NPSR1: variants seen among roughly 807,000 people sequenced by gnomAD.
The protein encoded by NPSR1 is neuropeptide S receptor.
NPSR1 carries 48 observed loss-of-function variants against 46.9 expected under a neutral mutation model. The ratio of observed to expected loss-of-function variants is 1.02; its 90% CI spans 0.81 to 1.30. The LOEUF is 1.30. Ranked by LOEUF, NPSR1 falls within the 50% of genes most tolerant of loss-of-function variation. The pLI, the probability that NPSR1 is intolerant of heterozygous loss-of-function variation, is 0.00. For synonymous variants in NPSR1, 176 were observed against 168.1 expected (o/e 1.05, Z -0.36); for missense variants, 450 against 449.5 (o/e 1.00, Z -0.01).
At chr7:34,678,218 C>CTTTTT (rs869140156) in intron 1 of NPSR1, among the ~76,000 whole-genome samples, 9 of 100,702 alleles carry the variant, frequency 8.9e-5, no homozygotes, top group East Asian at 2.9e-4. Flanking sequence ...CTTTGCAATT[C>CTTTTT]TTTTTTTTTT....
At chr7:34,869,473 G>A (rs977947601) in intron 8 of NPSR1, among the ~76,000 whole-genome samples, 1 of 151,562 alleles carries the variant, frequency 6.6e-6, no homozygotes, top group Non-Finnish European at 1.5e-5. Context: ...GTAGTCTTCT[G>A]ACTGTCACCA....
chr7:34,736,558 A>C (rs1344111427), intron 2 of NPSR1, among the ~76,000 whole-genome samples: 1 of 151,760 alleles, frequency 6.6e-6, no homozygotes, highest in Non-Finnish European at 1.5e-5. Flanking sequence ...GCACACACAC[A>C]CCCTACCTAC....
At chr7:34,708,181 A>T (rs546178609) in intron 2 of NPSR1, among the ~76,000 whole-genome samples, 1 of 152,328 alleles carries the variant, frequency 6.6e-6, no homozygotes, top group Admixed American at 6.5e-5. Flanking sequence ...GCCCATAACA[A>T]ATGCCTGCTA....
At chr7:34,813,326 C>T (rs928310114) in intron 4 of NPSR1, among the ~76,000 whole-genome samples, 1 of 152,072 alleles carries the variant, frequency 6.6e-6, no homozygotes, top group African/African-American at 2.4e-5. Flanking sequence ...GAGGTGGGCT[C>T]TATTATTATC....
At chr7:34,812,482 A>G (rs891462305) in intron 4 of NPSR1, among the ~76,000 whole-genome samples, 3 of 152,280 alleles carry the variant, frequency 2.0e-5, no homozygotes, top group Admixed American at 6.5e-5. Flanking sequence ...CACTTCCTGA[A>G]CAGGCTGCAT....
At chr7:34,763,069 A>G (rs1274795772) in intron 2 of NPSR1, among the ~76,000 whole-genome samples, 1 of 152,208 alleles carries the variant, frequency 6.6e-6, no homozygotes, top group Non-Finnish European at 1.5e-5. Context: ...TTAATTGGAC[A>G]ACATTTCTTC....
At chr7:34,791,037 TTATATTA>T (rs1206827479) in intron 3 of NPSR1, among the ~76,000 whole-genome samples, 23 of 118,890 alleles carry the variant, frequency 1.9e-4, no homozygotes, top group African/African-American at 7.9e-4. Context: ...ATGTTATATA[TTATATTA>T]TATATGTTAT....
chr7:34,736,997 TTC>T (rs1245809185), intron 2 of NPSR1, among the ~76,000 whole-genome samples: 1 of 136,718 alleles, frequency 7.3e-6, no homozygotes, highest in Non-Finnish European at 1.6e-5. Context: ...CTTTCTTACT[TTC>T]TCTCTCTTCT....
chr7:34,765,764 T>A (rs1786398617), intron 2 of NPSR1, among the ~76,000 whole-genome samples: 1 of 152,222 alleles, frequency 6.6e-6, no homozygotes, highest in Non-Finnish European at 1.5e-5. Context: ...CTTGGATGCA[T>A]CTGGAGGCCA....
At chr7:34,690,653 T>C (rs950415583) in intron 2 of NPSR1, among the ~76,000 whole-genome samples, 5 of 152,118 alleles carry the variant, frequency 3.3e-5, no homozygotes, top group Non-Finnish European at 7.4e-5. Flanking sequence ...GAAGACATCT[T>C]TTGAATTAAA....
In NPSR1 at chr7:34,743,491, C is replaced by T. The variant is rs564828929; in HGVS notation, c.281-34971C>T. On this transcript the variant is annotated intron_variant, in intron 2 of 8. Transcript: ENST00000360581. ...AGTCTCACTCTGTCACCCAGGCTGG[C>T]GTGCAGTGGCATGATCTTGGCGCAC... is the stretch of plus-strand genomic sequence containing the variant. 9.4e-4 allele frequency among the ~76,000 whole-genome samples: 142 copies of T among 151,226 alleles called. 1 individual carries two copies. The highest frequency in any genetic ancestry group is 4.2e-3 in the Admixed American group (63 of 15,156).
At chr7:34,670,576 AAAAT>A (rs1487072277) in intron 1 of NPSR1, among the ~76,000 whole-genome samples, 2 of 151,096 alleles carry the variant, frequency 1.3e-5, no homozygotes, top group African/African-American at 4.8e-5. Flanking sequence ...ATTTGCAATA[AAAAT>A]AAATATATAA....
intron 2 of NPSR1, among the ~76,000 whole-genome samples, chr7:34,771,290 A>G (rs1425481497): frequency 6.6e-6 from 1 of 152,082 alleles, no homozygotes; most frequent in Non-Finnish European, 1.5e-5. Flanking sequence ...TTAAAAAGTA[A>G]AAGTTAGCTA....
At chr7:34,850,877 C>T (rs1790916060), downstream of NPSR1, among the ~76,000 whole-genome samples, 1 of 152,134 alleles carries the variant, frequency 6.6e-6, no homozygotes, top group East Asian at 1.9e-4. Context: ...AGATCTTTAT[C>T]GTTTTTGCCT....
At chr7:34,726,921 G>A (rs558948168) in intron 2 of NPSR1, among the ~76,000 whole-genome samples, 1 of 151,988 alleles carries the variant, frequency 6.6e-6, no homozygotes, top group Non-Finnish European at 1.5e-5. Context: ...TATTTCATAT[G>A]TTATTATAAG....
intron 2 of NPSR1, among the ~76,000 whole-genome samples, chr7:34,759,658 A>G (rs1044722572): frequency 3.3e-5 from 5 of 152,172 alleles, no homozygotes; most frequent in Admixed American, 6.5e-5. Context: ...AGGCATAATC[A>G]TGGCGGGTAT....
At chr7:34,664,379 A>T (rs1427855022) in intron 1 of NPSR1, among the ~76,000 whole-genome samples, 1 of 152,180 alleles carries the variant, frequency 6.6e-6, no homozygotes, top group Non-Finnish European at 1.5e-5. Flanking sequence ...AGCCTTAAAG[A>T]ACAGCAAGCG....
intron 4 of NPSR1, among the ~76,000 whole-genome samples, chr7:34,825,208 C>T (rs573373268): frequency 1.4e-4 from 22 of 152,354 alleles, no homozygotes; most frequent in Admixed American, 1.3e-4. Context: ...CTCTCTGTTT[C>T]TCTGATGCTC....
At chr7:34,667,598 A>G (rs115922850) in intron 1 of NPSR1, among the ~76,000 whole-genome samples, 132 of 152,216 alleles carry the variant, frequency 8.7e-4, no homozygotes, top group Middle Eastern at 3.4e-3. Flanking sequence ...CTAGTCATGC[A>G]TTGCTAAAGA....
Sources: allele counts gnomAD v4.1 joint callset (sites outside exome capture counted in the v4.1 genomes callset), GRCh38; gene constraint gnomAD v4.1.1; transcripts MANE v1.5; gene names NCBI Gene and HGNC (gene_info 2026-07-23, HGNC 2026-07-21).